Variants in CPSF2 observed in about 807,000 individuals in gnomAD.
CPSF2 encodes the protein cleavage and polyadenylation specificity factor subunit 2.
A neutral mutation model predicts 84.2 loss-of-function variants in CPSF2; 51 were observed. The ratio of observed to expected loss-of-function variants is 0.61; its 90% CI spans 0.48 to 0.77. The LOEUF (loss-of-function observed/expected upper bound fraction) is 0.77, where lower values mean the gene tolerates loss of function less well. Among genes scored for constraint, CPSF2 ranks in the 30% least tolerant of loss-of-function variants. CPSF2 has a pLI of 0.00. For missense variants in CPSF2, 641 were observed against 929.4 expected (o/e 0.69, Z 4.03); for synonymous variants, 286 against 311.9 (o/e 0.92, Z 0.87).
In CPSF2 at chr14:92,130,990, G is replaced by T; in HGVS notation, c.6G>T (p.Thr2=). The part of the protein sequence containing the change: M[T]SIIKLTTLSG... ...CTGTTTCTGGACCAAAAAAAATGAC[G>T]TCTATTATCAAATTAACTACCCTTT... The change falls in exon 3 of 16, where the codon ACG becomes ACT. Residue 2 remains threonine (T), a synonymous_variant. Coordinates refer to ENST00000298875, the MANE Select transcript of CPSF2 (RefSeq NM_017437.3). 1 of 1,608,942 alleles carries T rather than the reference G, an allele frequency of 6.2e-7. No individual in the cohort carries two copies. Among genetic ancestry groups the T allele is most frequent in the Non-Finnish European group, 8.5e-7 (1 of 1,178,750 alleles).
At chr14:92,158,891 T>C in intron 13 of CPSF2, 92 bp from the exon 14 acceptor site, 1 of 1,198,044 alleles carries the variant, frequency 8.3e-7, no homozygotes, top group Non-Finnish European at 1.2e-6. Context: ...TTTAACATAT[T>C]ACCAGAGGTA....
rs2141482478 is a variant in CPSF2 at position 92,158,971 on chromosome 14, T to C, written c.1822-12T>C. The C allele has an allele frequency of 1.9e-6, 3 of 1,587,374 alleles. No individual in the cohort carries two copies. The East Asian group carries it at 6.7e-5, about 36-fold the overall frequency. On this transcript the variant is annotated splice_polypyrimidine_tract_variant and intron_variant, in intron 13 of 15. Coordinates refer to ENST00000298875, the MANE Select transcript of CPSF2 (RefSeq NM_017437.3). ...TGGGTTTTATTTCTCTCCCCCTCCT[T>C]TGCATGTCTAGGTGAGGTTAAAAGA... is the stretch of plus-strand genomic sequence containing the variant.
intron 3 of CPSF2, among the ~76,000 whole-genome samples, chr14:92,131,837 C>CAA (rs551887912): frequency 1.4e-5 from 2 of 140,584 alleles, no homozygotes; most frequent in South Asian, 2.2e-4. Flanking sequence ...GACTCTGTTT[C>CAA]AAAAAAAAAA....
chr14:92,167,001 A>C lies in CPSF2; in HGVS notation c.*5257A>C, dbSNP rs1440210091. ...ATGTGAGTTTAGATTCTGCTTATCGATTTCTTTTTTTTCTTTTTTTTTTTT... is the reference window on the plus strand; with the variant it reads ...ATGTGAGTTTAGATTCTGCTTATCGCTTTCTTTTTTTTCTTTTTTTTTTTT... On this transcript the variant is annotated 3_prime_UTR_variant, in exon 16 of 16. Transcript: ENST00000298875. 8.1e-6 allele frequency: 1 copy of C among 123,664 alleles called. No homozygotes were observed. The highest frequency in any genetic ancestry group is 1.6e-5 in the Non-Finnish European group (1 of 61,128). 7.7% of individuals were successfully genotyped at this position (123,664 alleles called of 1,614,324 possible). A position where few individuals can be genotyped will look rare whatever the true frequency, so the allele number is the denominator to read the frequency against.
chr14:92,158,842 G>A (rs2069327502), intron 13 of CPSF2, 141 bp from the exon 14 acceptor site: 8 of 704,856 alleles, frequency 1.1e-5, no homozygotes, highest in Non-Finnish European at 1.6e-5. Flanking sequence ...GGTCATTGCA[G>A]GTCATTGTGG....
rs773053662 is a variant in CPSF2, at chr14:92,135,398, G to T, written c.447G>T (p.Leu149=). 1.2e-6 allele frequency: 2 copies of T among 1,613,404 alleles called. No individual in the cohort carries two copies. Among genetic ancestry groups the T allele is most frequent in the South Asian group, 1.1e-5 (1 of 91,010 alleles). The change falls in exon 6 of 16, where the codon CTG becomes CTT. Residue 149 remains leucine, a synonymous_variant. Coordinates refer to ENST00000298875, the MANE Select transcript of CPSF2 (RefSeq NM_017437.3). ...GKGHGLSITP[L]PAGHMIGGTI... ...GACATGGCCTGTCTATCACACCTCT[G>T]CCAGCTGGTCATATGATAGGTGGAA...
intron 2 of CPSF2, among the ~76,000 whole-genome samples, chr14:92,128,102 G>A (rs2068865758): frequency 6.6e-6 from 1 of 152,180 alleles, no homozygotes; most frequent in African/African-American, 2.4e-5. Flanking sequence ...AGGTGTGGTG[G>A]CAGGTGCCTG....
At chr14:92,127,069 A>G (rs2068853607) in intron 2 of CPSF2, among the ~76,000 whole-genome samples, 1 of 152,160 alleles carries the variant, frequency 6.6e-6, no homozygotes, top group African/African-American at 2.4e-5. Context: ...ACCACTGTAT[A>G]TTAGGCACTG....
rs1317571543 is a variant in CPSF2 at position 92,157,620 on chromosome 14, A to T, written c.1596-39A>T. 17 of 1,474,912 alleles carry T rather than the reference A, an allele frequency of 1.2e-5. No individual in the cohort carries two copies. Among genetic ancestry groups the T allele is most frequent in the Middle Eastern group, 1.8e-4 (1 of 5,442 alleles). The allele number at this position is 1,474,912 out of a possible 1,614,324, so 91.4% of individuals were successfully genotyped here. A position where few individuals can be genotyped will look rare whatever the true frequency, so the allele number is the denominator to read the frequency against. On this transcript the variant is annotated intron_variant, in intron 12 of 15. Coordinates refer to ENST00000298875, the MANE Select transcript of CPSF2 (RefSeq NM_017437.3). The surrounding 1 kb of genome is among the most constrained non-coding windows in gnomAD (Gnocchi z 4.0). ...ATAAAAGCCATTTTTTTTTAGAATT[A>T]TGAGAAAAGTAATCTTGAATAATCA... is the stretch of plus-strand genomic sequence containing the variant.
Position 92,159,188 on chromosome 14 carries a change from A to G in CPSF2, c.2027A>G (p.Gln676Arg), listed in dbSNP as rs1296767468. ...TCAGATTCTAGCGTTATAGCACAAC[A>G]AAAGGCCATGAAAAGTCTGTTCGGA... ...APSDSSVIAQ[Q>R]KAMKSLFGDD... The change falls in exon 14 of 16, where the codon CAA becomes CGA. Residue 676 changes from glutamine to arginine, a missense_variant. Physicochemically the swap from Gln to Arg is conservative, Grantham distance 43. Around this residue, in one of 2 missense-constraint regions of CPSF2, gnomAD observed 430 missense variants for 553.6 expected, o/e 0.78. Coordinates refer to ENST00000298875, the MANE Select transcript of CPSF2 (RefSeq NM_017437.3). The G allele has an allele frequency of 6.2e-7, 1 of 1,614,064 alleles. No individual in the cohort carries two copies. The highest frequency in any genetic ancestry group is 8.5e-7 in the Non-Finnish European group (1 of 1,179,940).
intron 6 of CPSF2, among the ~76,000 whole-genome samples, chr14:92,135,817 G>A (rs2068991100): frequency 6.6e-6 from 1 of 152,158 alleles, no homozygotes; most frequent in Non-Finnish European, 1.5e-5. Context: ...CAACTTTGTG[G>A]ATGGGTTGTT....
chr14:92,142,464 A>G lies in CPSF2; in HGVS notation c.849+113A>G, dbSNP rs1027059907. The G allele has an allele frequency of 7.6e-6, 6 of 785,188 alleles. No individual in the cohort carries two copies. In the Admixed American group the frequency reaches 1.3e-4, roughly 17 times the overall value. The allele number at this position is 785,188 out of a possible 1,614,324, so 48.6% of individuals were successfully genotyped here. A position where few individuals can be genotyped will look rare whatever the true frequency, so the allele number is the denominator to read the frequency against. ...TTTTTCTCTTGAAGAGATTGTTAAT[A>G]AGATGATAACTTGGCATTAACCATT... is the stretch of plus-strand genomic sequence containing the variant. On this transcript the variant is annotated intron_variant, in intron 8 of 15. Coordinates refer to ENST00000298875, the MANE Select transcript of CPSF2 (RefSeq NM_017437.3).
chr14:92,155,870 T>C (rs1438071083), intron 11 of CPSF2, among the ~76,000 whole-genome samples: 8 of 151,948 alleles, frequency 5.3e-5, no homozygotes, highest in African/African-American at 1.9e-4. Context: ...GAATGTGAGA[T>C]AGCATGAGTG....
Position 92,134,232 on chromosome 14 carries a change from T to C in CPSF2, c.310-18T>C. ...CTTCAGTGATTGTTTTTCACCTTTA[T>C]TTGTGTTATTCTTTTAGTCTCGACA... On this transcript the variant is annotated intron_variant, in intron 4 of 15. Transcript: ENST00000298875. 6.2e-7 allele frequency: 1 copy of C among 1,611,336 alleles called. No individual in the cohort carries two copies.
intron 8 of CPSF2, 88 bp downstream of exon 8, chr14:92,142,439 T>C: frequency 9.8e-7 from 1 of 1,025,232 alleles, no homozygotes; most frequent in Non-Finnish European, 1.4e-6. Flanking sequence ...TTGGATTTTA[T>C]TTTTCTCTTG....
chr14:92,148,824 G>T (rs963204206), intron 9 of CPSF2, among the ~76,000 whole-genome samples: 2 of 151,032 alleles, frequency 1.3e-5, no homozygotes, highest in African/African-American at 4.9e-5. Context: ...GAGAGAGAGA[G>T]ATGGGACCAA....
chr14:92,125,236 A>G (rs2068830842), intron 1 of CPSF2, among the ~76,000 whole-genome samples: 2 of 152,212 alleles, frequency 1.3e-5, no homozygotes, highest in Admixed American at 1.3e-4. Context: ...GGGTACTGGC[A>G]GTGGGATAGA....
At chr14:92,150,328 G>A (rs1037090400) in intron 9 of CPSF2, among the ~76,000 whole-genome samples, 1 of 151,702 alleles carries the variant, frequency 6.6e-6, no homozygotes, top group African/African-American at 2.4e-5. Flanking sequence ...CACTATGTTG[G>A]CCAGGCTGGT....
At chr14:92,122,837 C>T (rs1189564556) in intron 1 of CPSF2, among the ~76,000 whole-genome samples, 2 of 151,446 alleles carry the variant, frequency 1.3e-5, no homozygotes, top group Admixed American at 1.3e-4. Context: ...CCCTTTAACC[C>T]CTTTCTTTTT....
Sources: allele counts gnomAD v4.1 joint callset (sites outside exome capture counted in the v4.1 genomes callset), GRCh38; gene constraint gnomAD v4.1.1; regional missense constraint gnomAD v4.1.1; non-coding constraint Gnocchi (gnomAD v3.1); transcripts MANE v1.5; gene names NCBI Gene and HGNC (gene_info 2026-07-23, HGNC 2026-07-21).